Variants in PDE1C observed in about 807,000 individuals in gnomAD.
The protein encoded by PDE1C is dual specificity calcium/calmodulin-dependent 3',5'-cyclic nucleotide phosphodiesterase 1C.
A neutral mutation model predicts 93.1 loss-of-function variants in PDE1C; 62 were observed. That is an observed-to-expected ratio of 0.67 (90% CI 0.54 to 0.82). The LOEUF is 0.82. PDE1C is among the 40% of genes least tolerant of loss of function. The pLI is 0.00. For missense variants in PDE1C, 742 were observed against 884.6 expected (o/e 0.84, Z 2.04); for synonymous variants, 325 against 310.1 (o/e 1.05, Z -0.50).
At chr7:31,733,381 T>C in the PDE1C span, among the ~76,000 whole-genome samples, 1 of 152,200 alleles carries the variant, frequency 6.6e-6, no homozygotes, top group African/African-American at 2.4e-5. Context: ...TAATTGGGAT[T>C]CCTAACTCAC....
intron 3 of PDE1C, among the ~76,000 whole-genome samples, chr7:32,141,012 A>T (rs2128780385): frequency 6.6e-6 from 1 of 152,378 alleles, no homozygotes; most frequent in East Asian, 1.9e-4. Context: ...AAATAGCTTT[A>T]AGGCCAAAAT....
At chr7:32,132,745 C>T (rs1202508090) in intron 3 of PDE1C, among the ~76,000 whole-genome samples, 1 of 152,052 alleles carries the variant, frequency 6.6e-6, no homozygotes, top group Non-Finnish European at 1.5e-5. Flanking sequence ...AGAATAGAAT[C>T]AAGGAGTCCA....
intron 2 of PDE1C, among the ~76,000 whole-genome samples, chr7:32,173,394 C>T (rs550231634): frequency 2.6e-4 from 39 of 151,726 alleles, no homozygotes; most frequent in African/African-American, 8.2e-4. Flanking sequence ...GCTTACAGGA[C>T]GGGTCAATAT....
the PDE1C span, among the ~76,000 whole-genome samples, chr7:31,714,508 G>T: frequency 6.6e-6 from 1 of 152,238 alleles, no homozygotes; most frequent in East Asian, 1.9e-4. Flanking sequence ...ACACTTTCGG[G>T]TGTCTTTTCG....
At chr7:32,203,134 A>G (rs1805143484) in intron 2 of PDE1C, among the ~76,000 whole-genome samples, 1 of 151,874 alleles carries the variant, frequency 6.6e-6, no homozygotes, top group Non-Finnish European at 1.5e-5. Flanking sequence ...TCTCAAACGT[A>G]GTACATGCCC....
At chr7:32,371,236 A>G (rs1047649953) in intron 1 of PDE1C, among the ~76,000 whole-genome samples, 8 of 152,078 alleles carry the variant, frequency 5.3e-5, no homozygotes, top group Non-Finnish European at 1.2e-4. Flanking sequence ...CCCAACTCCT[A>G]TGCATCCCTC....
chr7:32,205,528 C>T (rs1056846872), intron 2 of PDE1C, among the ~76,000 whole-genome samples: 7 of 152,138 alleles, frequency 4.6e-5, no homozygotes, highest in Admixed American at 3.3e-4. Flanking sequence ...GTAAAACGGA[C>T]CAATCAGCAC....
At chr7:31,850,958 A>T (rs528089459) in intron 7 of PDE1C, 1 of 493,792 alleles carries the variant, frequency 2.0e-6, no homozygotes, top group East Asian at 3.5e-5. Context: ...GAATAAGCTA[A>T]GTAGTAGTTT....
At chr7:31,960,023 G>A (rs923057787) in intron 2 of PDE1C, among the ~76,000 whole-genome samples, 1 of 112,162 alleles carries the variant, frequency 8.9e-6, no homozygotes, top group East Asian at 2.7e-4. Flanking sequence ...CCACCATCAC[G>A]CACAGCTATT....
intron 2 of PDE1C, among the ~76,000 whole-genome samples, chr7:32,170,679 A>G (rs1381031539): frequency 1.3e-5 from 2 of 152,240 alleles, no homozygotes; most frequent in East Asian, 3.9e-4. Flanking sequence ...CCCTACATGC[A>G]TGTGCCCAAC....
intron 9 of PDE1C, among the ~76,000 whole-genome samples, chr7:31,840,804 C>T (rs1269418674): frequency 6.6e-6 from 1 of 152,108 alleles, no homozygotes; most frequent in Non-Finnish European, 1.5e-5. Flanking sequence ...GAAATGCTGC[C>T]TTGAATACTG....
chr7:31,911,132 C>A (rs2128937909), intron 2 of PDE1C, among the ~76,000 whole-genome samples: 1 of 152,180 alleles, frequency 6.6e-6, no homozygotes, highest in African/African-American at 2.4e-5. Context: ...AGTGTTTTAA[C>A]AACAATCACT....
chr7:31,781,292 C>A (rs1228819039), intron 16 of PDE1C, among the ~76,000 whole-genome samples: 2 of 152,166 alleles, frequency 1.3e-5, no homozygotes, highest in African/African-American at 4.8e-5. Context: ...GATTTAAGAG[C>A]TCTTGAGACC....
intron 2 of PDE1C, among the ~76,000 whole-genome samples, chr7:31,958,953 A>C (rs2129028148): frequency 6.6e-6 from 1 of 152,230 alleles, no homozygotes; most frequent in African/African-American, 2.4e-5. Context: ...TACTTTCTAG[A>C]GCTGAGGCTT....
At chr7:32,181,588 T>C (rs1348795695) in intron 2 of PDE1C, among the ~76,000 whole-genome samples, 3 of 152,026 alleles carry the variant, frequency 2.0e-5, no homozygotes, top group Non-Finnish European at 4.4e-5. Context: ...ATAAAGATGT[T>C]CTTTGAAACC....
intron 1 of PDE1C, among the ~76,000 whole-genome samples, chr7:32,234,000 C>T (rs1807898550): frequency 6.6e-6 from 1 of 151,908 alleles, no homozygotes; most frequent in Non-Finnish European, 1.5e-5. Flanking sequence ...ATAAAGATAA[C>T]ATGAAAATCT....
chr7:32,341,985 T>TA (rs1292060460), intron 1 of PDE1C, among the ~76,000 whole-genome samples: 1 of 152,170 alleles, frequency 6.6e-6, no homozygotes, highest in African/African-American at 2.4e-5. Flanking sequence ...GTTAGTACAT[T>TA]TAGCATAGTT....
At chr7:32,301,195 C>T (rs1220146436), upstream of PDE1C, among the ~76,000 whole-genome samples, 1 of 152,080 alleles carries the variant, frequency 6.6e-6, no homozygotes, top group Non-Finnish European at 1.5e-5. Flanking sequence ...GTTCCCCTTT[C>T]CCTGTATTTC....
At chr7:31,954,610 C>T (rs555067127) in intron 2 of PDE1C, among the ~76,000 whole-genome samples, 25 of 152,256 alleles carry the variant, frequency 1.6e-4, no homozygotes, top group African/African-American at 6.0e-4. Flanking sequence ...AAGGATCTGT[C>T]CCTCTGGCTT....
Sources: allele counts gnomAD v4.1 joint callset (sites outside exome capture counted in the v4.1 genomes callset), GRCh38; gene constraint gnomAD v4.1.1; transcripts MANE v1.5; gene names NCBI Gene and HGNC (gene_info 2026-07-23, HGNC 2026-07-21).